The following MAGI3 variants were observed in gnomAD, a reference collection of about 807,000 sequenced individuals.
MAGI3 encodes membrane associated guanylate kinase, WW and PDZ domain containing 3.
In MAGI3, 43 loss-of-function variants were observed where a neutral mutation model predicts 121.8. The observed-to-expected ratio is 0.35, with a 90% confidence interval of 0.28 to 0.46. The LOEUF is 0.46. MAGI3 is among the 20% of genes least tolerant of loss of function. The probability of loss-of-function intolerance (pLI) is 1.00; values close to 1 mark genes in which losing one functional copy is unlikely to be tolerated. For missense variants in MAGI3, 1,547 were observed against 1,797.3 expected (o/e 0.86, Z 2.52); for synonymous variants, 553 against 639.3 (o/e 0.86, Z 2.04).
intron 9 of MAGI3, among the ~76,000 whole-genome samples, chr1:113,631,094 T>G (rs947845219): frequency 1.3e-5 from 2 of 152,148 alleles, no homozygotes; most frequent in Admixed American, 6.5e-5. Flanking sequence ...TGCTTTCCCT[T>G]GTGACAGGGG....
chr1:113,477,793 G>T (rs1361330559), intron 1 of MAGI3, among the ~76,000 whole-genome samples: 1 of 152,162 alleles, frequency 6.6e-6, no homozygotes. Context: ...TGTTGGGGAA[G>T]TTCTCCTGGA....
At chr1:113,448,766 G>C (rs956237036) in intron 1 of MAGI3, among the ~76,000 whole-genome samples, 1 of 152,038 alleles carries the variant, frequency 6.6e-6, no homozygotes, top group Non-Finnish European at 1.5e-5. Context: ...TTACAGGCAT[G>C]AGCCACCATA....
At chr1:113,414,498 G>A (rs1206800424) in intron 1 of MAGI3, among the ~76,000 whole-genome samples, 6 of 151,946 alleles carry the variant, frequency 3.9e-5, no homozygotes, top group South Asian at 2.1e-4. Flanking sequence ...CTGTGAATCC[G>A]TCTGGTCCTG....
intron 1 of MAGI3, among the ~76,000 whole-genome samples, chr1:113,478,699 G>T (rs139489127): frequency 0.023 from 3,538 of 152,314 alleles, 133 homozygotes; most frequent in African/African-American, 0.081. Context: ...GGCTACGCAG[G>T]GATCAGGGAC....
chr1:113,434,121 A>G (rs1234841018), intron 1 of MAGI3, among the ~76,000 whole-genome samples: 2 of 152,314 alleles, frequency 1.3e-5, no homozygotes, highest in African/African-American at 4.8e-5. Context: ...TATGCTACCC[A>G]GAAGATACCA....
At chr1:113,671,655 G>C in intron 16 of MAGI3, 79 bp from the exon 17 acceptor site, 7 of 1,334,508 alleles carry the variant, frequency 5.2e-6, no homozygotes, top group Non-Finnish European at 7.4e-6. Context: ...ATCTGTTATT[G>C]TCTCACCTTC....
chr1:113,416,360 T>TTTA, intron 1 of MAGI3, among the ~76,000 whole-genome samples: 2 of 121,650 alleles, frequency 1.6e-5, no homozygotes, highest in East Asian at 2.3e-4. Context: ...ATATATTAAT[T>TTTA]TATATTATAT....
chr1:113,644,284 A>T (rs550932696), intron 11 of MAGI3, among the ~76,000 whole-genome samples: 1 of 151,572 alleles, frequency 6.6e-6, no homozygotes, highest in Non-Finnish European at 1.5e-5. Flanking sequence ...TTTTTTATTT[A>T]TTTATTTATT....
intron 2 of MAGI3, among the ~76,000 whole-genome samples, chr1:113,573,692 T>C (rs1647447022): frequency 6.6e-6 from 1 of 152,236 alleles, no homozygotes. Context: ...AATAGTTCAG[T>C]AGATGTCTAT....
chr1:113,391,431 C>T lies in MAGI3; in HGVS notation c.316+82C>T, dbSNP rs1484803269. The T allele has an allele frequency of 1.4e-6, 2 of 1,422,682 alleles. No individual in the cohort carries two copies. The allele number at this position is 1,422,682 out of a possible 1,614,324, so 88.1% of individuals were successfully genotyped here. The stretch of plus-strand genomic sequence containing the variant: ...GCGTCCTGGGAGCGGCGGCACCTCC[C>T]CACCGCGTATTGTCCCGGGTAATCT... On this transcript the variant is annotated intron_variant, in intron 1 of 20. Transcript: ENST00000307546. This position sits in a 1 kb window ranked among gnomAD's most constrained non-coding sequence, Gnocchi z 4.4.
chr1:113,551,012 A>G (rs1466662814), intron 2 of MAGI3, among the ~76,000 whole-genome samples: 1 of 150,888 alleles, frequency 6.6e-6, no homozygotes, highest in Non-Finnish European at 1.5e-5. Flanking sequence ...CTTACTTGGA[A>G]TAATTTCTTT....
chr1:113,577,180 G>A (rs1647703083), intron 2 of MAGI3, among the ~76,000 whole-genome samples: 1 of 152,126 alleles, frequency 6.6e-6, no homozygotes, highest in Admixed American at 6.6e-5. Context: ...TCCTGGTAAT[G>A]TTCTGCTTTT....
At chr1:113,452,900 G>A (rs1234391019) in intron 1 of MAGI3, among the ~76,000 whole-genome samples, 2 of 152,106 alleles carry the variant, frequency 1.3e-5, no homozygotes, top group African/African-American at 2.4e-5. Context: ...TATCCCCAAA[G>A]CAATATAGCA....
In MAGI3 at chr1:113,641,086, A is replaced by AT. The variant is rs1299543996; in HGVS notation, c.1361-824dup. ...ATGATATATATAATATATATGAGAT[A>AT]TATATTATATATATGATATATAAAT... On this transcript the variant is annotated intron_variant, in intron 9 of 20. Coordinates refer to ENST00000307546, the MANE Select transcript of MAGI3 (RefSeq NM_001142782.2). 1.2e-3 allele frequency among the ~76,000 whole-genome samples: 70 copies of AT among 56,400 alleles called. 1 individual carries two copies. Among genetic ancestry groups the AT allele is most frequent in the Non-Finnish European group, 2.3e-3 (62 of 27,118 alleles). 37.0% of individuals were successfully genotyped at this position (56,400 alleles called of 152,430 possible). A position where few individuals can be genotyped will look rare whatever the true frequency, so the allele number is the denominator to read the frequency against.
intron 1 of MAGI3, among the ~76,000 whole-genome samples, chr1:113,485,760 T>A (rs1231877685): frequency 3.9e-5 from 6 of 152,242 alleles, no homozygotes; most frequent in Admixed American, 6.5e-5. Context: ...TAGAAGGGTT[T>A]TTCCAATGTT....
At chr1:113,570,872 G>A (rs1207280291) in intron 2 of MAGI3, among the ~76,000 whole-genome samples, 2 of 152,006 alleles carry the variant, frequency 1.3e-5, no homozygotes, top group Admixed American at 1.3e-4. Context: ...AGTTTCTTTT[G>A]CTGTGCAGAA....
At chr1:113,624,289 T>C (rs1261254162) in intron 9 of MAGI3, among the ~76,000 whole-genome samples, 1 of 152,208 alleles carries the variant, frequency 6.6e-6, no homozygotes, top group African/African-American at 2.4e-5. Flanking sequence ...CCAAATTGTT[T>C]TCCATAGTGG....
chr1:113,619,666 T>C, intron 7 of MAGI3, 70 bp from the exon 8 acceptor site: 3 of 1,041,374 alleles, frequency 2.9e-6, no homozygotes, highest in Non-Finnish European at 3.0e-6. Flanking sequence ...TGGAATGGTA[T>C]GATAGACTAT....
chr1:113,645,173 G>A (rs768117569), intron 11 of MAGI3, among the ~76,000 whole-genome samples: 1 of 151,878 alleles, frequency 6.6e-6, no homozygotes, highest in African/African-American at 2.4e-5. Flanking sequence ...ACAGGTGCAC[G>A]CCACCACACG....
Sources: allele counts gnomAD v4.1 joint callset (sites outside exome capture counted in the v4.1 genomes callset), GRCh38; gene constraint gnomAD v4.1.1; non-coding constraint Gnocchi (gnomAD v3.1); transcripts MANE v1.5; gene names NCBI Gene and HGNC (gene_info 2026-07-23, HGNC 2026-07-21).